The following ZNF362 variants were observed in gnomAD, a reference collection of about 807,000 sequenced individuals.
The protein encoded by ZNF362 is zinc finger protein 362.
In ZNF362, 11 loss-of-function variants were observed where a neutral mutation model predicts 42.9. That is an observed-to-expected ratio of 0.26 (90% confidence interval 0.16 to 0.42). ZNF362 has a LOEUF of 0.42. ZNF362 is among the 20% of genes least tolerant of loss of function. The probability of loss-of-function intolerance (pLI) is 1.00; values close to 1 mark genes in which losing one functional copy is unlikely to be tolerated. For synonymous variants in ZNF362, 255 were observed against 257.3 expected (o/e 0.99, Z 0.09); for missense variants, 362 against 576.2 (o/e 0.63, Z 3.81).
the ZNF362 span, among the ~76,000 whole-genome samples, chr1:33,167,196 A>G: frequency 3.3e-5 from 5 of 152,166 alleles, no homozygotes; most frequent in African/African-American, 9.7e-5. The surrounding 1 kb of genome is among the most constrained non-coding windows in gnomAD (Gnocchi z 4.2). Flanking sequence ...CGCCCCACGC[A>G]CAGTGGCACC....
At chr1:33,279,790 T>G (rs1221992051) in intron 4 of ZNF362, among the ~76,000 whole-genome samples, 1 of 152,206 alleles carries the variant, frequency 6.6e-6, no homozygotes, top group East Asian at 1.9e-4. Context: ...GTAGAGGCAA[T>G]TAATTGCTGT....
At chr1:33,192,296 T>A in the ZNF362 span, among the ~76,000 whole-genome samples, 4 of 152,212 alleles carry the variant, frequency 2.6e-5, no homozygotes, top group Non-Finnish European at 5.9e-5. Context: ...TCCCCTTGTA[T>A]CTGTATCTTG....
chr1:33,276,713 A>AG, intron 4 of ZNF362, 119 bp downstream of exon 4: 1 of 1,196,114 alleles, frequency 8.4e-7, no homozygotes, highest in Non-Finnish European at 1.1e-6. Context: ...GGCAGGGCCT[A>AG]GGGGTAGGGC....
chr1:33,191,490 T>TTTTTTG, the ZNF362 span, among the ~76,000 whole-genome samples: 7 of 149,648 alleles, frequency 4.7e-5, no homozygotes, highest in African/African-American at 1.7e-4. Flanking sequence ...AAACATCCTT[T>TTTTTTG]TTTTTGTTTT....
the ZNF362 span, among the ~76,000 whole-genome samples, chr1:33,241,093 C>T: frequency 1.4e-5 from 2 of 148,106 alleles, no homozygotes; most frequent in African/African-American, 2.5e-5. Flanking sequence ...ATTCCCCCGC[C>T]CCGCCCCACT....
chr1:33,180,837 C>A, the ZNF362 span, among the ~76,000 whole-genome samples: 1 of 151,470 alleles, frequency 6.6e-6, no homozygotes, highest in Non-Finnish European at 1.5e-5. Context: ...CCCCACGGCC[C>A]CGCCATGCGG....
intron 1 of ZNF362, 124 bp from the exon 2 acceptor site, chr1:33,270,363 C>A (rs1645893214): frequency 3.8e-6 from 2 of 521,646 alleles, no homozygotes; most frequent in Non-Finnish European, 6.9e-6. Context: ...ATCTCAGAGT[C>A]ATTGGGAAGA....
chr1:33,246,330 G>A, the ZNF362 span, among the ~76,000 whole-genome samples: 88 of 152,268 alleles, frequency 5.8e-4, no homozygotes, highest in Middle Eastern at 0.014. Context: ...GGGTGGGGCC[G>A]TGGCCTTGGG....
At chr1:33,146,988 C>T in the ZNF362 span, 24 of 627,606 alleles carry the variant, frequency 3.8e-5, no homozygotes, top group Non-Finnish European at 5.8e-5. Context: ...TACAGAACAT[C>T]GATGCTGGAA....
the ZNF362 span, among the ~76,000 whole-genome samples, chr1:33,185,011 C>T: frequency 6.6e-6 from 1 of 152,060 alleles, no homozygotes; most frequent in Non-Finnish European, 1.5e-5. Flanking sequence ...AAACTCCTGA[C>T]CTCAGGTCAT....
At chr1:33,241,525 AT>A in the ZNF362 span, among the ~76,000 whole-genome samples, 1 of 152,094 alleles carries the variant, frequency 6.6e-6, no homozygotes, top group Middle Eastern at 3.4e-3. Context: ...TACGAATAAA[AT>A]TTTTTACAAA....
At chr1:33,264,996 T>G (rs1341936485) in intron 1 of ZNF362, among the ~76,000 whole-genome samples, 1 of 151,980 alleles carries the variant, frequency 6.6e-6, no homozygotes, top group Non-Finnish European at 1.5e-5. Flanking sequence ...ATCTACCTCA[T>G]GGGGTCGTTA....
intron 6 of ZNF362, among the ~76,000 whole-genome samples, chr1:33,282,857 G>A (rs1364721912): frequency 6.6e-6 from 1 of 151,452 alleles, no homozygotes; most frequent in Non-Finnish European, 1.5e-5. Context: ...TGTGCAGGAG[G>A]GTATAGACAT....
the ZNF362 span, among the ~76,000 whole-genome samples, chr1:33,144,434 G>A: frequency 4.6e-5 from 7 of 152,276 alleles, no homozygotes; most frequent in South Asian, 8.3e-4. Context: ...CACTGCGCCC[G>A]GTGGCTTTAA....
chr1:33,282,846 T>C (rs949296403), intron 6 of ZNF362, among the ~76,000 whole-genome samples: 1 of 149,592 alleles, frequency 6.7e-6, no homozygotes, highest in African/African-American at 2.5e-5. Flanking sequence ...AAAAAAAAGT[T>C]TGTGCAGGAG....
chr1:33,202,460 T>C, the ZNF362 span, among the ~76,000 whole-genome samples: 1 of 152,024 alleles, frequency 6.6e-6, no homozygotes, highest in Non-Finnish European at 1.5e-5. Flanking sequence ...CAGCCAGGCA[T>C]GGTGGCGGCC....
the ZNF362 span, among the ~76,000 whole-genome samples, chr1:33,192,608 T>C: frequency 6.6e-6 from 1 of 152,096 alleles, no homozygotes; most frequent in African/African-American, 2.4e-5. Flanking sequence ...CTCTGGGAAA[T>C]GGTGCAAAAC....
At position 33,269,611 on chromosome 1, in the gene ZNF362, A is replaced by G. The variant is rs149105804; in HGVS notation, c.-88-876A>G. On this transcript the variant is annotated intron_variant, in intron 1 of 8. Transcript: ENST00000539719. ...GAGTGTAGTGGTGTGATCATGGCTCACTGCAGCCTCAAACTCCTGGGCTCA... is the reference window on the plus strand; with the variant it reads ...GAGTGTAGTGGTGTGATCATGGCTCGCTGCAGCCTCAAACTCCTGGGCTCA... 8.2e-3 allele frequency among the ~76,000 whole-genome samples: 1,250 copies of G among 152,220 alleles called. 18 individuals are homozygous for G. Among genetic ancestry groups the G allele is most frequent in the African/African-American group, 0.026 (1,091 of 41,524 alleles).
chr1:33,162,522 A>G, the ZNF362 span, among the ~76,000 whole-genome samples: 1 of 152,124 alleles, frequency 6.6e-6, no homozygotes, highest in Non-Finnish European at 1.5e-5. Context: ...TCGGCTCTGC[A>G]CCCCTGTGCC....
Sources: allele counts gnomAD v4.1 joint callset (sites outside exome capture counted in the v4.1 genomes callset), GRCh38; gene constraint gnomAD v4.1.1; non-coding constraint Gnocchi (gnomAD v3.1); transcripts MANE v1.5; gene names NCBI Gene and HGNC (gene_info 2026-07-23, HGNC 2026-07-21).